ZNF540: variants seen among roughly 807,000 people sequenced by gnomAD.
ZNF540 encodes zinc finger protein 540, also known as CTD-3064H18.6.
In ZNF540, 3 loss-of-function variants were observed where a neutral mutation model predicts 11.8. That is an observed-to-expected ratio of 0.25 (90% CI 0.12 to 0.65). The LOEUF (loss-of-function observed/expected upper bound fraction) is 0.65, where lower values mean the gene tolerates loss of function less well. ZNF540 is among the 30% of genes least tolerant of loss of function. ZNF540 has a pLI of 0.83. For synonymous variants in ZNF540, 247 were observed against 259.0 expected (o/e 0.95, Z 0.45); for missense variants, 709 against 793.1 (o/e 0.89, Z 1.27).
At chr19:37,593,018 GAAAT>G (rs922328957), upstream of ZNF540, among the ~76,000 whole-genome samples, 2 of 152,004 alleles carry the variant, frequency 1.3e-5, no homozygotes, top group Non-Finnish European at 2.9e-5. Flanking sequence ...ATATGTCTTT[GAAAT>G]AATTGGGAAA....
intron 4 of ZNF540, among the ~76,000 whole-genome samples, chr19:37,604,457 A>G (rs1419887589): frequency 1.3e-5 from 2 of 151,262 alleles, no homozygotes; most frequent in African/African-American, 2.4e-5. Context: ...ACAGGTGCCC[A>G]CCACCACGCC....
At position 37,613,485 on chromosome 19, in the gene ZNF540, T is replaced by C; in HGVS notation, c.*222T>C. ...AAAGTGTTCTAGCAACAGCATATAC[T>C]TATCATCATTGCCTTTCCACTACTC... On this transcript the variant is annotated 3_prime_UTR_variant, in exon 5 of 5. Coordinates refer to ENST00000316433, the MANE Select transcript of ZNF540 (RefSeq NM_001172225.3). 1 of 421,312 alleles carries C rather than the reference T, an allele frequency of 2.4e-6. No homozygotes were observed. Among genetic ancestry groups the C allele is most frequent in the Non-Finnish European group, 4.2e-6 (1 of 239,738 alleles). The allele number at this position is 421,312 out of a possible 1,614,324, so 26.1% of individuals were successfully genotyped here. A position where few individuals can be genotyped will look rare whatever the true frequency, so the allele number is the denominator to read the frequency against.
At position 37,564,651 on chromosome 19, in the gene ZNF540, T is replaced by C. The variant is rs16973890; in HGVS notation, c.-73+12986T>C. 5.9e-3 allele frequency: 9,378 copies of C among 1,598,528 alleles called. 260 individuals are homozygous for C. In the Admixed American group the frequency reaches 0.067, roughly 11 times the overall value. ...AGTTGTGAAGGACATCTAAAGTCTT[T>C]ACCACACTGGACACATGTATAGGGT... On this transcript the variant is annotated intron_variant, in intron 1 of 4. Transcript: ENST00000592533.
At chr19:37,602,924 A>C (rs994800417) in intron 4 of ZNF540, among the ~76,000 whole-genome samples, 5 of 152,030 alleles carry the variant, frequency 3.3e-5, no homozygotes, top group African/African-American at 9.7e-5. Flanking sequence ...TGAGATAGAA[A>C]ACTTTTCTAA....
rs2044153500 is a variant in ZNF540, at chr19:37,614,111, A to G, written c.*848A>G. 2.7e-6 allele frequency: 1 copy of G among 367,178 alleles called. No individual in the cohort carries two copies. Among genetic ancestry groups the G allele is most frequent in the Non-Finnish European group, 4.8e-6 (1 of 207,484 alleles). 22.7% of individuals were successfully genotyped at this position (367,178 alleles called of 1,614,324 possible). On this transcript the variant is annotated 3_prime_UTR_variant, in exon 5 of 5. Transcript: ENST00000316433. ...TTGTTTATAAGCCACTGAGTCTACGATATTTTGTTATGCAGCCCAGATAAC... is the reference window on the plus strand; with the variant it reads ...TTGTTTATAAGCCACTGAGTCTACGGTATTTTGTTATGCAGCCCAGATAAC...
At chr19:37,571,013 C>T (rs2043030400) in intron 1 of ZNF540, among the ~76,000 whole-genome samples, 1 of 152,158 alleles carries the variant, frequency 6.6e-6, no homozygotes, top group Admixed American at 6.5e-5. Context: ...TCTAATATCA[C>T]TATGAGGAAT....
chr19:37,565,017 C>T, intron 1 of ZNF540: 1 of 1,613,914 alleles, frequency 6.2e-7, no homozygotes, highest in Non-Finnish European at 8.5e-7. Flanking sequence ...TAATGTTTCT[C>T]ACCATGAATT....
At chr19:37,590,514 G>A (rs2043838945), upstream of ZNF540, among the ~76,000 whole-genome samples, 2 of 152,048 alleles carry the variant, frequency 1.3e-5, no homozygotes, top group Admixed American at 6.6e-5. Context: ...TTACATCTCT[G>A]CTACATTTCA....
chr19:37,557,014 T>C (rs2042667291), intron 1 of ZNF540, among the ~76,000 whole-genome samples: 1 of 152,188 alleles, frequency 6.6e-6, no homozygotes, highest in Admixed American at 6.5e-5. Context: ...TCAGACCCTA[T>C]GGCAGCAGGC....
At position 37,611,976 on chromosome 19, in the gene ZNF540, G is replaced by A. The variant is rs755044713; in HGVS notation, c.696G>A (p.Leu232=). ...TTAGTCATAGCTATCAACTTACTCT[G>A]CATCAGAGATTTCATACTGGTGAGA... The part of the protein sequence containing the change: ...KVFSHSYQLT[L]HQRFHTGEKP... The change falls in exon 5 of 5, where the codon CTG becomes CTA. Residue 232 remains leucine (L), a synonymous_variant. Transcript: ENST00000316433. 5 of 1,613,596 alleles carry A rather than the reference G, an allele frequency of 3.1e-6. No individual in the cohort carries two copies. The highest frequency in any genetic ancestry group is 4.2e-6 in the Non-Finnish European group (5 of 1,179,930).
chr19:37,584,221 A>C (rs2043580106), intron 1 of ZNF540: 11 of 1,369,032 alleles, frequency 8.0e-6, no homozygotes, highest in Non-Finnish European at 9.1e-6. Context: ...TGGTTGCCTA[A>C]ACAGTAGTAT....
At chr19:37,556,648 C>G (rs936380130) in intron 1 of ZNF540, among the ~76,000 whole-genome samples, 2 of 152,190 alleles carry the variant, frequency 1.3e-5, no homozygotes, top group Non-Finnish European at 2.9e-5. Context: ...AGGATGATAT[C>G]TTGTACCTGT....
intron 4 of ZNF540, among the ~76,000 whole-genome samples, chr19:37,610,284 T>C (rs900177134): frequency 7.2e-5 from 11 of 152,236 alleles, no homozygotes; most frequent in Non-Finnish European, 1.2e-4. Flanking sequence ...TAATTTATTG[T>C]ACAGTCAGTT....
chr19:37,586,215 A>C (rs2043668510), intron 1 of ZNF540: 1 of 154,520 alleles, frequency 6.5e-6, no homozygotes, highest in Non-Finnish European at 1.4e-5. Context: ...ACCAATTTTC[A>C]AACTTTCACA....
At chr19:37,600,917 G>A (rs2044034102) in intron 3 of ZNF540, 93 bp from the exon 4 acceptor site, 2 of 1,065,660 alleles carry the variant, frequency 1.9e-6, no homozygotes, top group Admixed American at 2.2e-5. Context: ...TCGAAATCAT[G>A]TTGATCCATA....
rs1027234418 is a variant in ZNF540 at position 37,569,976 on chromosome 19, AG to A, written c.-73+18313del. ...GCCACTCCACCCACTGCAGTCTACA[AG>A]GAAAGCCTCCATAGCTGTGGTAAGA... On this transcript the variant is annotated intron_variant, in intron 1 of 4. Coordinates refer to the ZNF540 transcript ENST00000592533. The surrounding 1 kb of genome is among the most constrained non-coding windows in gnomAD (Gnocchi z 4.4). The A allele has an allele frequency of 1.3e-5, 2 of 152,258 alleles. No individual in the cohort carries two copies. Among genetic ancestry groups the A allele is most frequent in the Admixed American group, 1.3e-4 (2 of 15,284 alleles). 9.4% of individuals were successfully genotyped at this position (152,258 alleles called of 1,614,324 possible). A position where few individuals can be genotyped will look rare whatever the true frequency, so the allele number is the denominator to read the frequency against.
intron 1 of ZNF540, chr19:37,564,970 A>AAGACCTTT (rs2042795907): frequency 6.2e-7 from 1 of 1,613,706 alleles, no homozygotes; most frequent in African/African-American, 1.3e-5. Flanking sequence ...TAAGTTGTGT[A>AAGACCTTT]GCACGTACAA....
At chr19:37,554,464 A>T (rs1237468285) in intron 1 of ZNF540, among the ~76,000 whole-genome samples, 2 of 152,164 alleles carry the variant, frequency 1.3e-5, no homozygotes. Flanking sequence ...CAAGGAGTTT[A>T]TGAATCTTGT....
At position 37,612,389 on chromosome 19, in the gene ZNF540, T is replaced by A. The variant is rs369400776; in HGVS notation, c.1109T>A (p.Leu370His). ...CGKTFRLSFY[L>H]TEHRRTHAGK... Reference sequence around the variant, plus strand: ...AAGACCTTTAGACTTAGTTTTTACCTTACTGAACACAGAAGAACTCATGCA... The same window carrying A: ...AAGACCTTTAGACTTAGTTTTTACCATACTGAACACAGAAGAACTCATGCA... Residue 370 changes from leucine to histidine, a missense_variant, in exon 5 of 5, where the codon CTT becomes CAT. By Grantham distance (99) the Leu-to-His change is moderately conservative (BLOSUM62 -3). Coordinates refer to ENST00000316433, the MANE Select transcript of ZNF540 (RefSeq NM_001172225.3). 6 of 1,614,028 alleles carry A rather than the reference T, an allele frequency of 3.7e-6. No homozygotes were observed. Among genetic ancestry groups the A allele is most frequent in the Admixed American group, 1.7e-5 (1 of 60,002 alleles).
Sources: gnomAD v4.1 joint callset for allele counts (sites outside exome capture counted in the v4.1 genomes callset) on GRCh38, gnomAD v4.1.1 for gene constraint, Gnocchi (gnomAD v3.1) non-coding constraint, MANE v1.5 for transcripts, NCBI Gene and HGNC (gene_info 2026-07-23, HGNC 2026-07-21) for gene names.